PDC: variants seen among roughly 807,000 people sequenced by gnomAD.
The protein encoded by PDC is 33 kDa phototransducing protein.
PDC carries 19 observed loss-of-function variants against 22.2 expected under a neutral mutation model. The observed-to-expected ratio is 0.86, with a 90% CI of 0.60 to 1.26. The LOEUF (loss-of-function observed/expected upper bound fraction) is 1.26, where lower values mean the gene tolerates loss of function less well. Ranked by LOEUF, PDC falls within the 50% of genes most tolerant of loss-of-function variation. PDC has a pLI of 0.00. For missense variants in PDC, 274 were observed against 286.8 expected (o/e 0.96, Z 0.32); for synonymous variants, 97 against 96.2 (o/e 1.01, Z -0.05).
At chr1:186,460,755 C>T (rs1218370318) in intron 1 of PDC, among the ~76,000 whole-genome samples, 6 of 152,060 alleles carry the variant, frequency 3.9e-5, no homozygotes. Context: ...TCCCTTCACT[C>T]AAAGGAAATT....
chr1:186,457,849 T>A (rs185912277), intron 1 of PDC, among the ~76,000 whole-genome samples: 1 of 152,238 alleles, frequency 6.6e-6, no homozygotes, highest in East Asian at 1.9e-4. Flanking sequence ...CTGTTGAAAA[T>A]TTTCCTTACT....
At chr1:186,460,352 A>T (rs1662558565) in intron 1 of PDC, among the ~76,000 whole-genome samples, 1 of 152,202 alleles carries the variant, frequency 6.6e-6, no homozygotes, top group African/African-American at 2.4e-5. Flanking sequence ...TTTGTATACC[A>T]TATCCACACC....
intron 2 of PDC, 87 bp downstream of exon 2, chr1:186,449,312 A>G (rs1662299408): frequency 1.6e-6 from 1 of 642,872 alleles, no homozygotes. Flanking sequence ...TACTTAAAGT[A>G]CATACTGAAT....
At chr1:186,458,368 G>A (rs1318746890) in intron 1 of PDC, among the ~76,000 whole-genome samples, 1 of 150,226 alleles carries the variant, frequency 6.7e-6, no homozygotes, top group Admixed American at 6.6e-5. Flanking sequence ...AAAAGTCTTG[G>A]TCATGTTTGC....
At chr1:186,450,848 T>G (rs1662339848) in intron 1 of PDC, among the ~76,000 whole-genome samples, 1 of 152,216 alleles carries the variant, frequency 6.6e-6, no homozygotes, top group Non-Finnish European at 1.5e-5. Context: ...TCCATATAGT[T>G]GTGATTTTCC....
intron 1 of PDC, among the ~76,000 whole-genome samples, chr1:186,455,585 C>T (rs1196693392): frequency 6.6e-6 from 1 of 151,846 alleles, no homozygotes; most frequent in Non-Finnish European, 1.5e-5. Context: ...AAAATTAACT[C>T]TTTCATTTTT....
rs1157926478 is a variant in PDC at position 186,458,226 on chromosome 1, CT to C, written c.-25+2832del. Among the ~76,000 whole-genome samples the C allele has an allele frequency of 1.5e-3, 135 of 88,392 alleles. 1 individual carries two copies. Among genetic ancestry groups the C allele is most frequent in the South Asian group, 2.3e-3 (5 of 2,216 alleles). 58.0% of individuals were successfully genotyped at this position (88,392 alleles called of 152,430 possible). A position where few individuals can be genotyped will look rare whatever the true frequency, so the allele number is the denominator to read the frequency against. On this transcript the variant is annotated intron_variant, in intron 1 of 3. Coordinates refer to ENST00000391997, the MANE Select transcript of PDC (RefSeq NM_002597.5). ...TTTGCTATTATGACATACAGATATT[CT>C]TTTTTTTTTTTTTTTTTTTTTTTTA...
At chr1:186,453,273 T>C (rs1050612995) in intron 1 of PDC, among the ~76,000 whole-genome samples, 2 of 152,194 alleles carry the variant, frequency 1.3e-5, no homozygotes, top group Admixed American at 1.3e-4. Context: ...ATGTTGTTCC[T>C]GTTTCATTTA....
chr1:186,452,409 T>C (rs759435920), intron 1 of PDC, among the ~76,000 whole-genome samples: 4 of 152,168 alleles, frequency 2.6e-5, no homozygotes, highest in Admixed American at 6.5e-5. Flanking sequence ...GGCTAATTTT[T>C]GTATTTTTAG....
rs572125531 is a variant in PDC at position 186,445,561 on chromosome 1, G to A, written c.213+865C>T. Among the ~76,000 whole-genome samples the A allele has an allele frequency of 6.6e-5, 10 of 152,212 alleles. No homozygotes were observed. In the East Asian group the frequency reaches 1.9e-3, roughly 29 times the overall value. ...GGGATGGGTATGGGAGCTCATGCCTGTAATCCCAGCACTTTGGCAGGCCAA... is the reference window on the plus strand; with the variant it reads ...GGGATGGGTATGGGAGCTCATGCCTATAATCCCAGCACTTTGGCAGGCCAA... On this transcript the variant is annotated intron_variant, in intron 3 of 3. Coordinates refer to ENST00000391997, the MANE Select transcript of PDC (RefSeq NM_002597.5).
intron 2 of PDC, chr1:186,448,712 TCTC>T (rs1662287757): frequency 1.1e-6 from 1 of 947,552 alleles, no homozygotes; most frequent in South Asian, 4.9e-5. Flanking sequence ...ATAAAATAAA[TCTC>T]CACACATTTT....
chr1:186,445,329 G>A (rs1186786278), intron 3 of PDC, among the ~76,000 whole-genome samples: 2 of 152,156 alleles, frequency 1.3e-5, no homozygotes, highest in African/African-American at 4.8e-5. Context: ...GGTACTTCAC[G>A]TAGATTATGT....
At chr1:186,454,218 G>A (rs1662410184) in intron 1 of PDC, among the ~76,000 whole-genome samples, 1 of 133,692 alleles carries the variant, frequency 7.5e-6, no homozygotes, top group Non-Finnish European at 1.5e-5. Context: ...CCGTAGCCCA[G>A]GCTGGAGTAC....
At chr1:186,457,873 C>A (rs1662499834) in intron 1 of PDC, among the ~76,000 whole-genome samples, 1 of 152,038 alleles carries the variant, frequency 6.6e-6, no homozygotes, top group African/African-American at 2.4e-5. Flanking sequence ...TGCCTGACTT[C>A]CCCCCACTCC....
intron 3 of PDC, among the ~76,000 whole-genome samples, chr1:186,445,969 A>T (rs1332938250): frequency 6.6e-6 from 1 of 152,244 alleles, no homozygotes; most frequent in African/African-American, 2.4e-5. Flanking sequence ...AACTTGTTTC[A>T]TTCACATATT....
intron 2 of PDC, chr1:186,448,644 T>A: frequency 1.1e-6 from 1 of 919,216 alleles, no homozygotes; most frequent in Non-Finnish European, 1.3e-6. Flanking sequence ...TTCAATGGTC[T>A]TTTTGTTGTT....
intron 1 of PDC, among the ~76,000 whole-genome samples, chr1:186,458,545 A>G (rs998761703): frequency 1.3e-5 from 2 of 150,908 alleles, no homozygotes; most frequent in Non-Finnish European, 2.9e-5. Context: ...AGACAATCCT[A>G]GGAGTCCTCT....
chr1:186,449,995 T>C (rs182950200), intron 1 of PDC, among the ~76,000 whole-genome samples: 1 of 152,312 alleles, frequency 6.6e-6, no homozygotes, highest in Non-Finnish European at 1.5e-5. Context: ...GTAGGAACAA[T>C]TGTTAATGAC....
intron 1 of PDC, among the ~76,000 whole-genome samples, chr1:186,457,915 A>G (rs1662500656): frequency 6.6e-6 from 1 of 152,158 alleles, no homozygotes; most frequent in Admixed American, 6.5e-5. Flanking sequence ...AAGAACTTTG[A>G]TAGAAAAACT....
Sources: allele counts gnomAD v4.1 joint callset (sites outside exome capture counted in the v4.1 genomes callset), GRCh38; gene constraint gnomAD v4.1.1; transcripts MANE v1.5; gene names NCBI Gene and HGNC (gene_info 2026-07-23, HGNC 2026-07-21).